Variants in MED13L observed in about 807,000 individuals in gnomAD.
The protein encoded by MED13L is mediator complex subunit 13L, also known as mediator of RNA polymerase II transcription subunit 13-like.
In MED13L, 7 loss-of-function variants were observed where a neutral mutation model predicts 220.9. The observed-to-expected ratio is 0.03, with a 90% CI of 0.02 to 0.06. MED13L has a LOEUF of 0.06. MED13L is among the 10% of genes least tolerant of loss of function. The pLI is 1.00. For missense variants in MED13L, 1,965 were observed against 2,760.5 expected (o/e 0.71, Z 6.46); for synonymous variants, 1,011 against 1,015.2 (o/e 1.00, Z 0.08).
intron 2 of MED13L, among the ~76,000 whole-genome samples, chr12:116,218,770 G>C (rs544878587): frequency 6.6e-6 from 1 of 151,242 alleles, no homozygotes; most frequent in South Asian, 2.1e-4. Flanking sequence ...GTCTTGCTCT[G>C]TCACCCAGGC....
chr12:116,211,386 C>T (rs539698228), intron 2 of MED13L, among the ~76,000 whole-genome samples: 33 of 152,160 alleles, frequency 2.2e-4, no homozygotes, highest in Middle Eastern at 3.4e-3. Context: ...GAGTCAAAGT[C>T]CCTGTCATTT....
At chr12:116,201,418 GAATA>G (rs913389482) in intron 2 of MED13L, among the ~76,000 whole-genome samples, 2 of 151,830 alleles carry the variant, frequency 1.3e-5, no homozygotes, top group Non-Finnish European at 2.9e-5. Context: ...GAGAGAAAAA[GAATA>G]AAAATAGACA....
At chr12:116,036,348 A>C (rs1276709976) in intron 4 of MED13L, among the ~76,000 whole-genome samples, 1 of 152,224 alleles carries the variant, frequency 6.6e-6, no homozygotes, top group Non-Finnish European at 1.5e-5. Flanking sequence ...TTACTTAAGA[A>C]ACACAAGGGG....
At chr12:115,977,086 G>A (rs1003647248) in intron 23 of MED13L, among the ~76,000 whole-genome samples, 1 of 152,146 alleles carries the variant, frequency 6.6e-6, no homozygotes, top group African/African-American at 2.4e-5. Context: ...CTGGAAGGTC[G>A]AGGCTGCAGT....
At chr12:115,963,193 T>C (rs964434975) in intron 30 of MED13L, among the ~76,000 whole-genome samples, 2 of 152,130 alleles carry the variant, frequency 1.3e-5, no homozygotes, top group African/African-American at 4.8e-5. Context: ...CAACTATAAA[T>C]GCCTATCACT....
intron 2 of MED13L, among the ~76,000 whole-genome samples, chr12:116,213,721 T>C (rs1376643873): frequency 5.9e-5 from 9 of 152,190 alleles, no homozygotes; most frequent in African/African-American, 2.2e-4. Context: ...CAAAAGGTCT[T>C]TTTTATTTTT....
chr12:116,234,959 C>T (rs944736885), intron 2 of MED13L, among the ~76,000 whole-genome samples: 3 of 152,006 alleles, frequency 2.0e-5, no homozygotes, highest in African/African-American at 7.2e-5. Context: ...CACCATGCTC[C>T]GCCTATAATT....
chr12:115,975,355 TA>T (rs1876864673), intron 24 of MED13L, 42 bp from the exon 25 acceptor site: 1 of 1,613,682 alleles, frequency 6.2e-7, no homozygotes, highest in Non-Finnish European at 8.5e-7. Flanking sequence ...GGTCCCTAGA[TA>T]AATCAGAGTT....
At chr12:115,998,968 G>A (rs1215883375) in intron 14 of MED13L, among the ~76,000 whole-genome samples, 7 of 151,962 alleles carry the variant, frequency 4.6e-5, no homozygotes, top group Non-Finnish European at 7.3e-5. Context: ...GTAGAAACAT[G>A]AGCCAAGCCA....
chr12:116,225,569 T>C (rs1868898596), intron 2 of MED13L, among the ~76,000 whole-genome samples: 1 of 152,264 alleles, frequency 6.6e-6, no homozygotes, highest in African/African-American at 2.4e-5. Flanking sequence ...TCTACTAGGC[T>C]ACTTTTAAGA....
At chr12:116,246,148 G>T (rs1481248578) in intron 1 of MED13L, among the ~76,000 whole-genome samples, 1 of 151,518 alleles carries the variant, frequency 6.6e-6, no homozygotes, top group Non-Finnish European at 1.5e-5. Context: ...ATATTAAATG[G>T]CTATGCCAGC....
chr12:116,183,457 A>C (rs1212630800), intron 2 of MED13L, among the ~76,000 whole-genome samples: 1 of 152,180 alleles, frequency 6.6e-6, no homozygotes, highest in Non-Finnish European at 1.5e-5. Flanking sequence ...ATCAAAGTAA[A>C]ATGACTAGTA....
At chr12:116,206,575 C>A (rs576745689) in intron 2 of MED13L, among the ~76,000 whole-genome samples, 1 of 151,784 alleles carries the variant, frequency 6.6e-6, no homozygotes, top group East Asian at 1.9e-4. Context: ...TAACAATATA[C>A]AAAATTAGCA....
chr12:116,141,344 G>C (rs1399557480), intron 2 of MED13L, among the ~76,000 whole-genome samples: 2 of 152,062 alleles, frequency 1.3e-5, no homozygotes, highest in Non-Finnish European at 2.9e-5. Flanking sequence ...TCCTGAAGTT[G>C]ATTTTTTTCA....
At chr12:116,271,206 T>TGC (rs1873304964) in intron 1 of MED13L, among the ~76,000 whole-genome samples, 1 of 149,858 alleles carries the variant, frequency 6.7e-6, no homozygotes, top group African/African-American at 2.5e-5. Context: ...AACAAATACG[T>TGC]GTGTGTGTGT....
Position 115,992,977 on chromosome 12 carries a change from G to GA in MED13L, c.2997-1021dup, listed in dbSNP as rs1267850407. 6.7e-5 allele frequency among the ~76,000 whole-genome samples: 10 copies of GA among 150,368 alleles called. No individual in the cohort carries two copies. The East Asian group carries it at 2.0e-3, about 30-fold the overall frequency. On this transcript the variant is annotated intron_variant, in intron 16 of 30. Coordinates refer to ENST00000281928, the MANE Select transcript of MED13L (RefSeq NM_015335.5). ...CTGTGGATTCAGCCATATACAGATGGAAAATCAAAATAAAAATACAATTAA... is the reference window on the plus strand; with the variant it reads ...CTGTGGATTCAGCCATATACAGATGGAAAAATCAAAATAAAAATACAATTAA...
At chr12:116,146,955 A>C (rs1213504769) in intron 2 of MED13L, among the ~76,000 whole-genome samples, 1 of 152,178 alleles carries the variant, frequency 6.6e-6, no homozygotes, top group Non-Finnish European at 1.5e-5. Flanking sequence ...TACACAAAAA[A>C]CTACCAAATA....
At chr12:115,990,070 C>A (rs1430576954) in intron 17 of MED13L, among the ~76,000 whole-genome samples, 2 of 152,208 alleles carry the variant, frequency 1.3e-5, no homozygotes, top group Non-Finnish European at 2.9e-5. Context: ...CTAGCCCCTG[C>A]ATGCTTCTAA....
intron 9 of MED13L, among the ~76,000 whole-genome samples, chr12:116,012,031 T>C (rs1879440766): frequency 6.6e-6 from 1 of 152,224 alleles, no homozygotes; most frequent in Non-Finnish European, 1.5e-5. Flanking sequence ...GAACTTTTTA[T>C]CAACATTGAA....
Sources: allele counts gnomAD v4.1 joint callset (sites outside exome capture counted in the v4.1 genomes callset), GRCh38; gene constraint gnomAD v4.1.1; transcripts MANE v1.5; gene names NCBI Gene and HGNC (gene_info 2026-07-23, HGNC 2026-07-21).